UGT1A8: variants seen among roughly 807,000 people sequenced by gnomAD.
UGT1A8 encodes the protein UDP glucuronosyltransferase family 1 member A8, also known as UDP-glucuronosyltransferase 1A8.
UGT1A8 carries 39 observed loss-of-function variants against 45.3 expected under a neutral mutation model. That is an observed-to-expected ratio of 0.86 (90% CI 0.67 to 1.12). UGT1A8 has a LOEUF of 1.12. Ranked by LOEUF, UGT1A8 falls within the 50% of genes most tolerant of loss-of-function variation. The probability of loss-of-function intolerance (pLI) is 0.00; values close to 1 mark genes in which losing one functional copy is unlikely to be tolerated. For missense variants in UGT1A8, 719 were observed against 664.9 expected (o/e 1.08, Z -0.90); for synonymous variants, 275 against 249.2 (o/e 1.10, Z -0.97).
chr2:233,636,913 C>A (rs539495441), intron 1 of UGT1A8: 2 of 1,613,982 alleles, frequency 1.2e-6, no homozygotes, highest in South Asian at 2.2e-5. Flanking sequence ...GTTTAATGAC[C>A]GAAAATTAGT....
At chr2:233,627,803 A>T (rs1046663622) in intron 1 of UGT1A8, among the ~76,000 whole-genome samples, 5 of 151,886 alleles carry the variant, frequency 3.3e-5, no homozygotes, top group African/African-American at 7.3e-5. Flanking sequence ...TGGTTATGTC[A>T]TGATTTCTTT....
intron 1 of UGT1A8, chr2:233,693,911 C>T: frequency 6.2e-7 from 1 of 1,612,432 alleles, no homozygotes; most frequent in Non-Finnish European, 8.5e-7. Flanking sequence ...CTTCCAGGCT[C>T]TGTCCTCCCT....
At chr2:233,729,112 G>A (rs557523932) in intron 1 of UGT1A8, 4 of 1,612,930 alleles carry the variant, frequency 2.5e-6, no homozygotes, top group East Asian at 2.2e-5. Flanking sequence ...TCAGCTGTCC[G>A]TGTCTTCTGC....
In UGT1A8 at chr2:233,656,392, A is replaced by T. The variant is rs576116648; in HGVS notation, c.855+37830A>T. On this transcript the variant is annotated intron_variant, in intron 1 of 4. Transcript: ENST00000373450. ...AATCAGCCTCTTGTCCAATGAAAGCAGTATTTGTGGCTTATGGAACAAGGA... is the reference window on the plus strand; with the variant it reads ...AATCAGCCTCTTGTCCAATGAAAGCTGTATTTGTGGCTTATGGAACAAGGA... 1.6e-4 allele frequency among the ~76,000 whole-genome samples: 24 copies of T among 152,358 alleles called. No homozygotes were observed. In the South Asian group the frequency reaches 3.1e-3, roughly 20 times the overall value.
At chr2:233,636,889 C>A (rs760404473) in intron 1 of UGT1A8, 7 of 1,613,868 alleles carry the variant, frequency 4.3e-6, no homozygotes, top group Non-Finnish European at 5.9e-6. Flanking sequence ...ATTTTTTTCG[C>A]ATTGCAGGAG....
intron 1 of UGT1A8, among the ~76,000 whole-genome samples, chr2:233,622,238 A>G (rs2073021661): frequency 6.6e-6 from 1 of 152,202 alleles, no homozygotes; most frequent in Non-Finnish European, 1.5e-5. Flanking sequence ...TTCTTTGGGT[A>G]TATACCCAGT....
At position 233,767,890 on chromosome 2, in the gene UGT1A8, G is replaced by C; in HGVS notation, c.1029G>C (p.Ala343=). The C allele has an allele frequency of 6.2e-7, 1 of 1,614,096 alleles. No individual in the cohort carries two copies. The highest frequency in any genetic ancestry group is 8.5e-7 in the Non-Finnish European group (1 of 1,180,038). Residue 343 remains alanine (A), a synonymous_variant, in exon 3 of 5, where the codon GCG becomes GCC. Coordinates refer to ENST00000373450, the MANE Select transcript of UGT1A8 (RefSeq NM_019076.5). The part of the protein sequence containing the change: ...RYTGTRPSNL[A]NNTILVKWLP... ...CTGGAACCCGACCATCGAATCTTGCGAACAACACGATACTTGTTAAGTGGC... is the reference window on the plus strand; with the variant it reads ...CTGGAACCCGACCATCGAATCTTGCCAACAACACGATACTTGTTAAGTGGC...
chr2:233,769,515 T>A lies in UGT1A8; in HGVS notation c.1295+1076T>A. The A allele has an allele frequency of 6.2e-7, 1 of 1,612,854 alleles. No homozygotes were observed. Among genetic ancestry groups the A allele is most frequent in the Non-Finnish European group, 8.5e-7 (1 of 1,179,868 alleles). ...TGAGAGTGTCCATTGCTTTCTCCCA[T>A]GGTTACCTCCTTTAGAAAGAAGCAG... On this transcript the variant is annotated intron_variant, in intron 4 of 4. Coordinates refer to ENST00000373450, the MANE Select transcript of UGT1A8 (RefSeq NM_019076.5). This position sits in a 1 kb window ranked among gnomAD's most constrained non-coding sequence, Gnocchi z 4.4.
At chr2:233,729,097 G>A in intron 1 of UGT1A8, 5 of 1,612,664 alleles carry the variant, frequency 3.1e-6, no homozygotes, top group Non-Finnish European at 4.2e-6. Flanking sequence ...GCGTGGGGTG[G>A]ACAGTCAGCT....
intron 1 of UGT1A8, among the ~76,000 whole-genome samples, chr2:233,620,483 A>G (rs929572291): frequency 2.0e-5 from 3 of 152,298 alleles, no homozygotes; most frequent in Non-Finnish European, 4.4e-5. Context: ...AAAAGTATAT[A>G]TGATTTTATA....
chr2:233,678,372 T>C (rs941504782), intron 1 of UGT1A8, among the ~76,000 whole-genome samples: 2 of 152,050 alleles, frequency 1.3e-5, no homozygotes, highest in South Asian at 2.1e-4. Flanking sequence ...TCATCTTCCA[T>C]TGAGTGGGCT....
intron 1 of UGT1A8, among the ~76,000 whole-genome samples, chr2:233,737,003 G>A (rs560792837): frequency 9.8e-5 from 15 of 152,324 alleles, no homozygotes; most frequent in Middle Eastern, 3.4e-3. Context: ...TCAGGGACCC[G>A]CTTGAGGAGG....
At chr2:233,709,121 G>A (rs1349379070) in intron 1 of UGT1A8, among the ~76,000 whole-genome samples, 3 of 152,046 alleles carry the variant, frequency 2.0e-5, no homozygotes, top group Admixed American at 1.3e-4. Flanking sequence ...AACTAATCAT[G>A]GTGGCCAAGG....
At chr2:233,757,428 A>C (rs987166652) in intron 1 of UGT1A8, among the ~76,000 whole-genome samples, 1 of 151,108 alleles carries the variant, frequency 6.6e-6, no homozygotes, top group Non-Finnish European at 1.5e-5. Flanking sequence ...AAGAGAAGAA[A>C]AGTCACTTCT....
chr2:233,759,109 C>A (rs1697056507), intron 1 of UGT1A8, among the ~76,000 whole-genome samples: 1 of 152,128 alleles, frequency 6.6e-6, no homozygotes, highest in Admixed American at 6.5e-5. Flanking sequence ...GTTTGCAAAC[C>A]AGGGAGTTAC....
intron 1 of UGT1A8, chr2:233,760,886 A>C (rs1453639780): frequency 8.7e-6 from 14 of 1,613,816 alleles, no homozygotes; most frequent in Non-Finnish European, 1.1e-5. Flanking sequence ...CTCTCCTCTC[A>C]TTCAGATCAC....
rs752305202 is a variant in UGT1A8, at chr2:233,769,534, G to A, written c.1295+1095G>A. ...CTCCCATGGTTACCTCCTTTAGAAA[G>A]AAGCAGCAGTCAGGAAGACAGATGT... On this transcript the variant is annotated intron_variant, in intron 4 of 4. Transcript: ENST00000373450. This position sits in a 1 kb window ranked among gnomAD's most constrained non-coding sequence, Gnocchi z 4.4. 1.9e-6 allele frequency: 3 copies of A among 1,612,926 alleles called. No homozygotes were observed. Among genetic ancestry groups the A allele is most frequent in the Non-Finnish European group, 2.5e-6 (3 of 1,179,884 alleles).
chr2:233,769,634 G>A lies in UGT1A8; in HGVS notation c.1295+1195G>A. 2 of 1,610,964 alleles carry A rather than the reference G, an allele frequency of 1.2e-6. No individual in the cohort carries two copies. The highest frequency in any genetic ancestry group is 1.1e-5 in the South Asian group (1 of 90,734). On this transcript the variant is annotated intron_variant, in intron 4 of 4. Transcript: ENST00000373450. The surrounding 1 kb of genome is among the most constrained non-coding windows in gnomAD (Gnocchi z 4.4). ...CCAGCTTGAGCAAGGGACAACAGGG[G>A]AGGACTGATGACTGACTTCCCACCT...
chr2:233,677,844 C>A (rs374876034), intron 1 of UGT1A8, among the ~76,000 whole-genome samples: 1 of 151,532 alleles, frequency 6.6e-6, no homozygotes, highest in Admixed American at 6.6e-5. Context: ...TAAAAAAAAT[C>A]GTTTTACCAA....
Sources: allele counts gnomAD v4.1 joint callset (sites outside exome capture counted in the v4.1 genomes callset), GRCh38; gene constraint gnomAD v4.1.1; non-coding constraint Gnocchi (gnomAD v3.1); transcripts MANE v1.5; gene names NCBI Gene and HGNC (gene_info 2026-07-23, HGNC 2026-07-21).